ILDR2: variants seen among roughly 807,000 people sequenced by gnomAD.
ILDR2 encodes the protein immunoglobulin like domain containing receptor 2.
A neutral mutation model predicts 66.8 loss-of-function variants in ILDR2; 25 were observed. The observed-to-expected ratio is 0.37, with a 90% CI of 0.27 to 0.52. The LOEUF (loss-of-function observed/expected upper bound fraction) is 0.52. Among genes scored for constraint, ILDR2 ranks in the 20% least tolerant of loss-of-function variants. The pLI is 0.88. For synonymous variants in ILDR2, 367 were observed against 357.2 expected, an observed-to-expected ratio of 1.03 and a Z score of -0.31; for missense variants, 827 against 876.8, an observed-to-expected ratio of 0.94 and a Z score of 0.72.
At chr1:166,937,179 C>T (rs1661035685) in intron 4 of ILDR2, among the ~76,000 whole-genome samples, 1 of 152,136 alleles carries the variant, frequency 6.6e-6, no homozygotes, top group South Asian at 2.1e-4. Flanking sequence ...TTAATCCTCT[C>T]TATAAAAGTC....
intron 6 of ILDR2, among the ~76,000 whole-genome samples, chr1:166,934,454 C>T (rs1318216015): frequency 4.6e-5 from 7 of 152,178 alleles, no homozygotes; most frequent in Admixed American, 2.6e-4. Flanking sequence ...TAGATGCTCA[C>T]ATATCTCAAC....
At chr1:166,900,627 A>C (rs2101812293) in intron 2 of ILDR2, among the ~76,000 whole-genome samples, 1 of 152,286 alleles carries the variant, frequency 6.6e-6, no homozygotes, top group South Asian at 2.1e-4. Context: ...TGTTTAATTC[A>C]CAGACCTGGA....
chr1:166,962,219 A>G (rs1662663889), intron 1 of ILDR2, among the ~76,000 whole-genome samples: 2 of 152,132 alleles, frequency 1.3e-5, no homozygotes, highest in Admixed American at 1.3e-4. Context: ...TAGGGTCTAG[A>G]ATTGCTCTTC....
intron 9 of ILDR2, among the ~76,000 whole-genome samples, chr1:166,920,204 T>C (rs954247242): frequency 3.3e-5 from 5 of 152,310 alleles, no homozygotes; most frequent in Non-Finnish European, 7.4e-5. Flanking sequence ...TGAGTTGTCC[T>C]TTGCAAACAG....
Position 166,914,825 on chromosome 1 carries a change from A to C in ILDR2, c.*4530T>G, listed in dbSNP as rs1331267909. On this transcript the variant is annotated 3_prime_UTR_variant, in exon 10 of 10. Coordinates refer to ENST00000271417, the MANE Select transcript of ILDR2 (RefSeq NM_199351.3). The stretch of plus-strand genomic sequence containing the variant: ...TAGTGAATTTGGATTTCTACATCCT[A>C]TCAATCAATTTCAGACTTCCATTAA... The C allele has an allele frequency of 6.6e-6, 1 of 152,192 alleles. No homozygotes were observed. Among genetic ancestry groups the C allele is most frequent in the Non-Finnish European group, 1.5e-5 (1 of 68,026 alleles). The allele number at this position is 152,192 out of a possible 1,614,324, so 9.4% of individuals were successfully genotyped here.
In ILDR2 at chr1:166,917,196, C is replaced by A. The variant is rs1158016039; in HGVS notation, c.*2159G>T. Reference sequence around the variant, plus strand: ...CTTCCAGCCCTTGGAAGTGCCAGCACTGGGTTCAACTGTTCTCCTGATTTC... The same window carrying A: ...CTTCCAGCCCTTGGAAGTGCCAGCAATGGGTTCAACTGTTCTCCTGATTTC... On this transcript the variant is annotated 3_prime_UTR_variant, in exon 10 of 10. Transcript: ENST00000271417. The A allele has an allele frequency of 6.6e-6, 1 of 152,262 alleles. No homozygotes were observed. The highest frequency in any genetic ancestry group is 1.5e-5 in the Non-Finnish European group (1 of 68,082). The allele number at this position is 152,262 out of a possible 1,614,324, so 9.4% of individuals were successfully genotyped here.
Position 166,969,263 on chromosome 1 carries a change from G to T in ILDR2, c.46+5960C>A, listed in dbSNP as rs143094737. ...TACAGGGTCTCAGCTGAATGCAAGG[G>T]CCCTACTCCTTATTCAGCACCACTT... On this transcript the variant is annotated intron_variant, in intron 1 of 9. Coordinates refer to ENST00000271417, the MANE Select transcript of ILDR2 (RefSeq NM_199351.3). Among the ~76,000 whole-genome samples the T allele has an allele frequency of 3.9e-5, 6 of 152,222 alleles. No homozygotes were observed. In the East Asian group the frequency reaches 1.2e-3, roughly 29 times the overall value.
intron 2 of ILDR2, among the ~76,000 whole-genome samples, chr1:166,896,815 AG>A (rs1659174700): frequency 6.6e-6 from 1 of 151,902 alleles, no homozygotes; most frequent in Non-Finnish European, 1.5e-5. Context: ...TTTTATTTTT[AG>A]TAGAGATGGG....
At position 166,960,241 on chromosome 1, in the gene ILDR2, C is replaced by CA. The variant is rs539094653; in HGVS notation, c.47-2141dup. The stretch of plus-strand genomic sequence containing the variant: ...AGAGTATTTGAGATTTATCAAATCT[C>CA]AAAGCATTTTGGACCTACCCTGTGC... On this transcript the variant is annotated intron_variant, in intron 1 of 9. Coordinates refer to ENST00000271417, the MANE Select transcript of ILDR2 (RefSeq NM_199351.3). Among the ~76,000 whole-genome samples the CA allele has an allele frequency of 2.8e-4, 42 of 152,226 alleles. No homozygotes were observed. The East Asian group carries it at 4.8e-3, about 18-fold the overall frequency.
intron 7 of ILDR2, among the ~76,000 whole-genome samples, chr1:166,926,167 C>T (rs1287256236): frequency 9.2e-5 from 14 of 152,120 alleles, no homozygotes; most frequent in Admixed American, 7.2e-4. Flanking sequence ...CCAACAATTC[C>T]GTCAAGTCTC....
At position 166,956,761 on chromosome 1, in the gene ILDR2, A is replaced by G. The variant is rs551118864; in HGVS notation, c.471T>C (p.Asn157=). The G allele has an allele frequency of 7.4e-6, 12 of 1,613,958 alleles. No homozygotes were observed. The African/African-American group carries it at 1.6e-4, about 22-fold the overall frequency. The change falls in exon 3 of 10, where the codon AAT becomes AAC. Residue 157 remains asparagine (N), a synonymous_variant. Coordinates refer to ENST00000271417, the MANE Select transcript of ILDR2 (RefSeq NM_199351.3). ...ACACCAGCAGTTCCACTGAGTCCTC[A>G]TTTTTCCCCTCCAGGTCATCTGGGG... ...ITTPDDLEGK[N]EDSVELLVLG...
chr1:166,914,355 C>T lies in ILDR2; in HGVS notation c.*5000G>A, dbSNP rs1309822266. On this transcript the variant is annotated 3_prime_UTR_variant, in exon 10 of 10. Coordinates refer to ENST00000271417, the MANE Select transcript of ILDR2 (RefSeq NM_199351.3). ...ATCTGGAATACCCAGATTCCAGTCC[C>T]ATGAGTATTTAAGGAATTGGAAAGG... 6.6e-6 allele frequency: 1 copy of T among 152,122 alleles called. No individual in the cohort carries two copies. The highest frequency in any genetic ancestry group is 1.9e-4 in the East Asian group (1 of 5,180). The allele number at this position is 152,122 out of a possible 1,614,324, so 9.4% of individuals were successfully genotyped here.
At chr1:166,924,507 A>G (rs2101865464) in intron 7 of ILDR2, among the ~76,000 whole-genome samples, 1 of 152,370 alleles carries the variant, frequency 6.6e-6, no homozygotes, top group Admixed American at 6.5e-5. Flanking sequence ...GAACATAAAC[A>G]TCGACCTGCC....
At position 166,909,552 on chromosome 1, in the gene ILDR2, T is replaced by A. The variant is rs1166716564; in HGVS notation, c.*9803A>T. 6.6e-6 allele frequency: 1 copy of A among 151,666 alleles called. No homozygotes were observed. Among genetic ancestry groups the A allele is most frequent in the Non-Finnish European group, 1.5e-5 (1 of 67,976 alleles). The allele number at this position is 151,666 out of a possible 1,614,324, so 9.4% of individuals were successfully genotyped here. ...CAAAGGAATGAAACATAAGAGGCTA[T>A]CGCCTTGGCCTGAGGGAATGAGAAA... On this transcript the variant is annotated 3_prime_UTR_variant, in exon 10 of 10. Transcript: ENST00000271417.
Position 166,909,755 on chromosome 1 carries a change from ATAT to A in ILDR2, c.*9597_*9599del, listed in dbSNP as rs1191801476. On this transcript the variant is annotated 3_prime_UTR_variant, in exon 10 of 10. Transcript: ENST00000271417. ...TACATACATATATATATATATATAT[ATAT>A]AAATATATATAAATATATATATTTA... 13 of 75,054 alleles carry A rather than the reference ATAT, an allele frequency of 1.7e-4. No individual in the cohort carries two copies. Among genetic ancestry groups the A allele is most frequent in the South Asian group, 1.1e-3 (2 of 1,904 alleles). 4.6% of individuals were successfully genotyped at this position (75,054 alleles called of 1,614,324 possible).
chr1:166,946,646 G>A (rs887394354), intron 3 of ILDR2, among the ~76,000 whole-genome samples: 3 of 152,110 alleles, frequency 2.0e-5, no homozygotes, highest in Non-Finnish European at 2.9e-5. Context: ...GCTCTGAGAG[G>A]TTAAGAATCT....
Position 166,935,430 on chromosome 1 carries a change from A to G in ILDR2, c.751T>C (p.Ser251Pro), listed in dbSNP as rs987939423. The G allele has an allele frequency of 6.2e-7, 1 of 1,612,222 alleles. No homozygotes were observed. Among genetic ancestry groups the G allele is most frequent in the African/African-American group, 1.3e-5 (1 of 74,844 alleles). ...AAKAGYPPSVSGVPGPYSIPS... is the reference protein window; with the variant it reads ...AAKAGYPPSVPGVPGPYSIPS... ...ATGGAGTAAGGGCCGGGGACACCGG[A>G]GACAGAGGGAGGGTACCCGGCCTTT... Residue 251 changes from serine to proline, a missense_variant, in exon 6 of 10, where the codon TCC becomes CCC. This residue lies in a region of ILDR2 where 437 missense variants were observed against 523.2 expected (regional missense o/e 0.84). Coordinates refer to ENST00000271417, the MANE Select transcript of ILDR2 (RefSeq NM_199351.3).
At chr1:166,907,462 G>T (rs866829533), downstream of ILDR2, among the ~76,000 whole-genome samples, 1 of 152,186 alleles carries the variant, frequency 6.6e-6, no homozygotes. Flanking sequence ...CACTCTCCAA[G>T]TTCTCTTCAT....
chr1:166,896,545 G>GAT (rs3076028), intron 2 of ILDR2, among the ~76,000 whole-genome samples: 56,784 of 146,086 alleles, frequency 0.39, 10,815 homozygotes, highest in Middle Eastern at 0.51. Context: ...AATGGAAACA[G>GAT]ATATATATAT....
Sources: allele counts gnomAD v4.1 joint callset (sites outside exome capture counted in the v4.1 genomes callset), GRCh38; gene constraint gnomAD v4.1.1; regional missense constraint gnomAD v4.1.1; transcripts MANE v1.5; gene names NCBI Gene and HGNC (gene_info 2026-07-23, HGNC 2026-07-21).